The following LATS2 variants were observed in gnomAD, a reference collection of about 807,000 sequenced individuals.
LATS2 encodes the protein serine/threonine-protein kinase LATS2.
A neutral mutation model predicts 76.0 loss-of-function variants in LATS2; 24 were observed. That is an observed-to-expected ratio of 0.32 (90% CI 0.23 to 0.44). The LOEUF (loss-of-function observed/expected upper bound fraction) is 0.44. LATS2 is among the 20% of genes least tolerant of loss of function. LATS2 has a pLI of 1.00. For missense variants in LATS2, 1,286 were observed against 1,481.2 expected, an observed-to-expected ratio of 0.87 and a Z score of 2.16; for synonymous variants, 692 against 635.4, an observed-to-expected ratio of 1.09 and a Z score of -1.34.
At chr13:21,039,384 T>C (rs1264470425) in intron 2 of LATS2, among the ~76,000 whole-genome samples, 4 of 152,212 alleles carry the variant, frequency 2.6e-5, no homozygotes, top group African/African-American at 4.8e-5. Flanking sequence ...AAAATATCTT[T>C]AGTACAATGA....
At chr13:20,977,310 C>T (rs143007708) in intron 7 of LATS2, among the ~76,000 whole-genome samples, 2,320 of 150,888 alleles carry the variant, frequency 0.015, 19 homozygotes, top group Non-Finnish European at 0.022. Context: ...CATGAGAACC[C>T]GGAAGGCAGA....
At chr13:21,016,115 G>A (rs1871787785) in intron 2 of LATS2, among the ~76,000 whole-genome samples, 2 of 151,262 alleles carry the variant, frequency 1.3e-5, no homozygotes, top group African/African-American at 4.9e-5. Flanking sequence ...TCAGTCTCCC[G>A]AGTAGCTGAG....
intron 2 of LATS2, among the ~76,000 whole-genome samples, chr13:21,015,941 T>G (rs1409802287): frequency 6.8e-6 from 1 of 148,054 alleles, no homozygotes; most frequent in Non-Finnish European, 1.5e-5. Flanking sequence ...TCAGGTGATT[T>G]GCCCACCTCG....
intron 2 of LATS2, among the ~76,000 whole-genome samples, chr13:21,031,447 C>T (rs1676671266): frequency 6.6e-6 from 1 of 152,186 alleles, no homozygotes; most frequent in African/African-American, 2.4e-5. Context: ...GTTCTTTCTA[C>T]TGCCGTACCT....
chr13:21,040,040 T>G (rs1020171607), intron 2 of LATS2, among the ~76,000 whole-genome samples: 8 of 149,890 alleles, frequency 5.3e-5, no homozygotes, highest in East Asian at 3.9e-4. Flanking sequence ...TCCATTGTAT[T>G]CCAGCCTGGG....
chr13:20,986,205 T>C (rs746542589), intron 4 of LATS2, among the ~76,000 whole-genome samples: 12 of 151,734 alleles, frequency 7.9e-5, no homozygotes, highest in Non-Finnish European at 1.8e-4. Flanking sequence ...ACGACTATTA[T>C]CAAAAAGGAA....
intron 2 of LATS2, among the ~76,000 whole-genome samples, chr13:20,996,393 T>C (rs1870751764): frequency 6.6e-6 from 1 of 151,640 alleles, no homozygotes; most frequent in African/African-American, 2.4e-5. Context: ...TTTTTTTTTT[T>C]TTTGAGACAG....
intron 2 of LATS2, among the ~76,000 whole-genome samples, chr13:21,021,096 C>T (rs1310611470): frequency 2.6e-5 from 4 of 152,128 alleles, no homozygotes; most frequent in African/African-American, 9.7e-5. Context: ...GTGTGTGGGT[C>T]ACTGTCAAAA....
chr13:21,050,147 GATAC>G (rs6144947), intron 1 of LATS2, among the ~76,000 whole-genome samples: 2,062 of 53,896 alleles, frequency 0.038, 82 homozygotes, highest in African/African-American at 0.093. Flanking sequence ...TAGATAGATA[GATAC>G]ATACATACAT....
intron 2 of LATS2, among the ~76,000 whole-genome samples, chr13:21,012,850 C>A (rs577735209): frequency 6.6e-6 from 1 of 151,814 alleles, no homozygotes; most frequent in South Asian, 2.1e-4. Flanking sequence ...CAAACTGAGG[C>A]TAAAATAGAT....
intron 2 of LATS2, among the ~76,000 whole-genome samples, chr13:20,996,288 C>G (rs1870745297): frequency 6.6e-6 from 1 of 152,138 alleles, no homozygotes; most frequent in East Asian, 1.9e-4. Context: ...GGCTCCCAAC[C>G]TTGGAAGCAT....
chr13:21,031,491 T>C (rs1269723713), intron 2 of LATS2, among the ~76,000 whole-genome samples: 2 of 152,166 alleles, frequency 1.3e-5, no homozygotes, highest in African/African-American at 2.4e-5. Flanking sequence ...CCAATAAAAA[T>C]TTTTTCACCT....
chr13:20,983,919 AAGG>A, intron 4 of LATS2, 113 bp from the exon 5 acceptor site: 2 of 791,960 alleles, frequency 2.5e-6, no homozygotes, highest in South Asian at 1.7e-5. Context: ...ATTTTACAGA[AAGG>A]AGAACAGAGA....
rs1451440087 is a variant in LATS2 at position 20,973,198 on chromosome 13, G to A, written c.*1672C>T. On this transcript the variant is annotated 3_prime_UTR_variant, in exon 8 of 8. Transcript: ENST00000382592. ...CAACATGGCACGACTATAAAATAGCGAGAATACTGACAGTCACGACGACAG... is the reference window on the plus strand; with the variant it reads ...CAACATGGCACGACTATAAAATAGCAAGAATACTGACAGTCACGACGACAG... 3.9e-5 allele frequency: 9 copies of A among 232,402 alleles called. No individual in the cohort carries two copies. Among genetic ancestry groups the A allele is most frequent in the South Asian group, 3.6e-4 (2 of 5,522 alleles). The allele number at this position is 232,402 out of a possible 1,614,324, so 14.4% of individuals were successfully genotyped here. A position where few individuals can be genotyped will look rare whatever the true frequency, so the allele number is the denominator to read the frequency against.
intron 1 of LATS2, among the ~76,000 whole-genome samples, chr13:21,054,392 AGCAAGTCT>A: frequency 6.6e-6 from 1 of 152,340 alleles, no homozygotes; most frequent in South Asian, 2.1e-4. Context: ...TAGGCAACAG[AGCAAGTCT>A]CCACCTCAAA....
intron 1 of LATS2, among the ~76,000 whole-genome samples, chr13:21,053,704 C>T (rs1873355351): frequency 6.6e-6 from 1 of 152,002 alleles, no homozygotes; most frequent in Non-Finnish European, 1.5e-5. Flanking sequence ...TCACACAGAA[C>T]AAAAGTCGCA....
chr13:21,043,615 G>A (rs979304650), intron 2 of LATS2, among the ~76,000 whole-genome samples: 1 of 152,136 alleles, frequency 6.6e-6, no homozygotes, highest in African/African-American at 2.4e-5. Flanking sequence ...GGTAAATGGA[G>A]GCCTTTCTGC....
chr13:21,003,035 C>A (rs1871115843), intron 2 of LATS2, among the ~76,000 whole-genome samples: 1 of 152,056 alleles, frequency 6.6e-6, no homozygotes, highest in South Asian at 2.1e-4. Flanking sequence ...GGTTTGGTCT[C>A]CTCAGTTTTT....
At position 20,983,578 on chromosome 13, in the gene LATS2, C is replaced by A. The variant is rs756368023; in HGVS notation, c.2128G>T (p.Val710Leu). 6.2e-7 allele frequency: 1 copy of A among 1,614,130 alleles called. No homozygotes were observed. Among genetic ancestry groups the A allele is most frequent in the Non-Finnish European group, 8.5e-7 (1 of 1,180,032 alleles). ...RKKDVLNRNQVAHVKAERDIL... is the reference protein window; with the variant it reads ...RKKDVLNRNQLAHVKAERDIL... ...TCCCTCTCGGCCTTGACGTGGGCCA[C>A]CTGATTCCGGTTCAGGACATCCTTT... The change falls in exon 5 of 8, where the codon GTG becomes TTG. Residue 710 changes from valine to leucine, a missense_variant. Val to Leu is a conservative substitution (Grantham distance 32). Transcript: ENST00000382592.
Sources: allele counts gnomAD v4.1 joint callset (sites outside exome capture counted in the v4.1 genomes callset), GRCh38; gene constraint gnomAD v4.1.1; transcripts MANE v1.5; gene names NCBI Gene and HGNC (gene_info 2026-07-23, HGNC 2026-07-21).